The following ASAP2 variants were observed in gnomAD, a reference collection of about 807,000 sequenced individuals.
ASAP2 encodes arf-GAP with SH3 domain, ANK repeat and PH domain-containing protein 2.
In ASAP2, 45 loss-of-function variants were observed where a neutral mutation model predicts 131.4. The observed-to-expected ratio is 0.34, with a 90% CI of 0.27 to 0.44. ASAP2 has a LOEUF of 0.44. Ranked by LOEUF, ASAP2 falls within the 20% of genes least tolerant of loss-of-function variation. The pLI is 1.00. For synonymous variants in ASAP2, 510 were observed against 503.0 expected (o/e 1.01, Z -0.19); for missense variants, 1,011 against 1,297.0 (o/e 0.78, Z 3.39).
intron 1 of ASAP2, among the ~76,000 whole-genome samples, chr2:9,266,264 AGCCT>A (rs1392867539): frequency 1.9e-4 from 28 of 149,620 alleles, no homozygotes; most frequent in Non-Finnish European, 3.2e-4. Flanking sequence ...CTCCTGCTTC[AGCCT>A]CACCAGTAAC....
chr2:9,373,549 G>T (rs956199657), intron 16 of ASAP2, among the ~76,000 whole-genome samples: 1 of 152,240 alleles, frequency 6.6e-6, no homozygotes, highest in Non-Finnish European at 1.5e-5. Context: ...TGTCCAGGGA[G>T]CTCAGGCTCC....
chr2:9,298,399 C>T (rs1056585328), intron 3 of ASAP2, among the ~76,000 whole-genome samples: 7 of 152,300 alleles, frequency 4.6e-5, no homozygotes, highest in African/African-American at 1.2e-4. Flanking sequence ...CAGGAGCACT[C>T]GGGCCCTTGC....
At chr2:9,221,918 C>T (rs567190697) in intron 1 of ASAP2, among the ~76,000 whole-genome samples, 247 of 152,148 alleles carry the variant, frequency 1.6e-3, no homozygotes, top group Non-Finnish European at 2.8e-3. Context: ...CTCAGCCTCC[C>T]GAGTAGCTGG....
chr2:9,313,790 C>T (rs1669472543), intron 3 of ASAP2, among the ~76,000 whole-genome samples: 1 of 152,146 alleles, frequency 6.6e-6, no homozygotes, highest in Non-Finnish European at 1.5e-5. Context: ...TTCCCAAGCC[C>T]AGGCCAGCTG....
At chr2:9,317,029 A>C (rs1030505047) in intron 3 of ASAP2, among the ~76,000 whole-genome samples, 1 of 130,710 alleles carries the variant, frequency 7.7e-6, no homozygotes, top group African/African-American at 2.8e-5. Flanking sequence ...ACAACATGCA[A>C]TCATTCCCAA....
At chr2:9,395,261 T>C (rs1233576847) in intron 24 of ASAP2, among the ~76,000 whole-genome samples, 3 of 152,038 alleles carry the variant, frequency 2.0e-5, no homozygotes. Context: ...TCACCTGAGG[T>C]CCAGAGTTTG....
intron 3 of ASAP2, among the ~76,000 whole-genome samples, chr2:9,302,293 C>T (rs556811200): frequency 1.3e-5 from 2 of 151,840 alleles, no homozygotes; most frequent in Non-Finnish European, 2.9e-5. Context: ...CTGCCTCAGC[C>T]TCCCGAGTAG....
intron 1 of ASAP2, among the ~76,000 whole-genome samples, chr2:9,226,037 A>G (rs961393147): frequency 6.6e-6 from 1 of 152,198 alleles, no homozygotes; most frequent in African/African-American, 2.4e-5. Context: ...AGGAGATGAC[A>G]TTGGATAAGC....
chr2:9,400,678 A>G lies in ASAP2; in HGVS notation c.2735-64A>G, dbSNP rs868801667. Reference sequence around the variant, plus strand: ...TTCAGACACACCCTGTGGCTTGTACATTGTTTACATCTCATGGCTGTGATT... The same window carrying G: ...TTCAGACACACCCTGTGGCTTGTACGTTGTTTACATCTCATGGCTGTGATT... On this transcript the variant is annotated intron_variant, in intron 25 of 27. Transcript: ENST00000281419. 177 of 1,426,060 alleles carry G rather than the reference A, an allele frequency of 1.2e-4. No homozygotes were observed. The Middle Eastern group carries it at 3.5e-3, about 28-fold the overall frequency. The allele number at this position is 1,426,060 out of a possible 1,614,324, so 88.3% of individuals were successfully genotyped here.
rs759964900 is a variant in ASAP2, at chr2:9,374,856, C to T, written c.1658C>T (p.Ala553Val). The change falls in exon 17 of 28, where the codon GCC becomes GTC. Residue 553 changes from alanine to valine, a missense_variant. Ala to Val is a moderately conservative substitution (Grantham distance 64, BLOSUM62 0). Coordinates refer to ENST00000281419, the MANE Select transcript of ASAP2 (RefSeq NM_003887.3). Reference protein sequence around the residue: ...NAAKLHSLCEAVKTRDIFGLL... With the variant: ...NAAKLHSLCEVVKTRDIFGLL... ...GCGAAGCTTCACAGTCTTTGCGAGG[C>T]CGTCAAAACGAGAGATATTTTTGGA... The T allele has an allele frequency of 6.2e-7, 1 of 1,614,050 alleles. No homozygotes were observed. Among genetic ancestry groups the T allele is most frequent in the Non-Finnish European group, 8.5e-7 (1 of 1,180,008 alleles).
chr2:9,247,593 C>T (rs891622462), intron 1 of ASAP2, among the ~76,000 whole-genome samples: 8 of 152,232 alleles, frequency 5.3e-5, no homozygotes, highest in African/African-American at 1.4e-4. Flanking sequence ...GATCCTACCT[C>T]TGCTGCTCAC....
intron 3 of ASAP2, 34 bp from the exon 4 acceptor site, chr2:9,318,490 T>C: frequency 6.7e-7 from 1 of 1,492,574 alleles, no homozygotes; most frequent in South Asian, 1.1e-5. Context: ...ACAAGGAAGC[T>C]GAATAAGAAT....
intron 25 of ASAP2, among the ~76,000 whole-genome samples, chr2:9,400,445 C>T (rs1676565895): frequency 1.5e-5 from 2 of 135,676 alleles, no homozygotes; most frequent in Middle Eastern, 4.2e-3. Context: ...CTCCTCCCTC[C>T]TCCCTCCTGC....
intron 24 of ASAP2, among the ~76,000 whole-genome samples, chr2:9,395,098 T>C (rs1200809044): frequency 6.6e-6 from 1 of 152,174 alleles, no homozygotes; most frequent in Non-Finnish European, 1.5e-5. Flanking sequence ...CATACGTCAC[T>C]GCTCAGTTAC....
intron 17 of ASAP2, among the ~76,000 whole-genome samples, chr2:9,375,539 T>C (rs75170319): frequency 0.047 from 7,216 of 152,312 alleles, 484 homozygotes; most frequent in African/African-American, 0.14. Flanking sequence ...GCTCATCCAT[T>C]TTTAATGGAG....
chr2:9,219,781 G>A (rs138435141), intron 1 of ASAP2, among the ~76,000 whole-genome samples: 1 of 152,216 alleles, frequency 6.6e-6, no homozygotes, highest in South Asian at 2.1e-4. Context: ...TACTCACAAA[G>A]TTGTGTAGCC....
At chr2:9,395,925 G>A (rs1572633816) in intron 24 of ASAP2, among the ~76,000 whole-genome samples, 1 of 151,886 alleles carries the variant, frequency 6.6e-6, no homozygotes, top group African/African-American at 2.4e-5. Flanking sequence ...AAGTTTTTTA[G>A]GAGTAGAGAA....
chr2:9,287,289 A>G (rs2148347219), intron 2 of ASAP2, among the ~76,000 whole-genome samples: 1 of 152,368 alleles, frequency 6.6e-6, no homozygotes, highest in Non-Finnish European at 1.5e-5. Context: ...GGTTGATTAC[A>G]GGGTCAGTGT....
intron 1 of ASAP2, among the ~76,000 whole-genome samples, chr2:9,257,261 C>G (rs2148176270): frequency 6.6e-6 from 1 of 151,920 alleles, no homozygotes; most frequent in African/African-American, 2.4e-5. Flanking sequence ...TGAAAAGTCT[C>G]AATTGCCTTG....
Sources: gnomAD v4.1 joint callset for allele counts (sites outside exome capture counted in the v4.1 genomes callset) on GRCh38, gnomAD v4.1.1 for gene constraint, MANE v1.5 for transcripts, NCBI Gene and HGNC (gene_info 2026-07-23, HGNC 2026-07-21) for gene names.